RAB3C: variants seen among roughly 807,000 people sequenced by gnomAD.
The protein encoded by RAB3C is ras-related protein Rab-3C.
In RAB3C, 17 loss-of-function variants were observed where a neutral mutation model predicts 26.4. The observed-to-expected ratio is 0.64, with a 90% CI of 0.44 to 0.97. RAB3C has a LOEUF of 0.97. Ranked by LOEUF, RAB3C falls within the 50% of genes least tolerant of loss-of-function variation. The pLI, the probability that RAB3C is intolerant of heterozygous loss-of-function variation, is 0.00. For missense variants in RAB3C, 242 were observed against 281.9 expected (o/e 0.86, Z 1.01); for synonymous variants, 91 against 95.9 (o/e 0.95, Z 0.30).
intron 2 of RAB3C, among the ~76,000 whole-genome samples, chr5:58,655,990 G>A (rs1340495470): frequency 6.6e-6 from 1 of 151,804 alleles, no homozygotes; most frequent in Admixed American, 6.6e-5. Context: ...GTAGAGACGG[G>A]GTTTCACCGT....
intron 3 of RAB3C, among the ~76,000 whole-genome samples, chr5:58,751,405 A>G (rs1367107720): frequency 1.3e-5 from 2 of 152,230 alleles, no homozygotes; most frequent in African/African-American, 4.8e-5. Flanking sequence ...AGTCACAGCC[A>G]GCAGAGCAGC....
intron 3 of RAB3C, among the ~76,000 whole-genome samples, chr5:58,753,016 T>TA (rs113782669): frequency 5.9e-4 from 88 of 148,386 alleles, no homozygotes; most frequent in Non-Finnish European, 7.9e-4. Context: ...AAGGAATTAT[T>TA]AAAAAAAAAA....
intron 3 of RAB3C, among the ~76,000 whole-genome samples, chr5:58,757,964 C>T (rs1020065612): frequency 4.4e-5 from 6 of 136,538 alleles, no homozygotes; most frequent in African/African-American, 1.1e-4. Context: ...GTTTTTGAGA[C>T]GGAGTCTCGC....
chr5:58,825,519 A>G (rs993693871), intron 4 of RAB3C, among the ~76,000 whole-genome samples: 1 of 152,004 alleles, frequency 6.6e-6, no homozygotes, highest in African/African-American at 2.4e-5. Flanking sequence ...TTGTGTGATT[A>G]TTGTTCTCAA....
intron 2 of RAB3C, among the ~76,000 whole-genome samples, chr5:58,627,072 T>A (rs1747068098): frequency 6.6e-6 from 1 of 152,164 alleles, no homozygotes; most frequent in African/African-American, 2.4e-5. Context: ...AATAGAGTCA[T>A]CAACTGCACA....
intron 3 of RAB3C, chr5:58,822,712 G>A (rs1743370416): frequency 2.2e-6 from 1 of 453,600 alleles, no homozygotes; most frequent in Non-Finnish European, 4.2e-6. Flanking sequence ...CCATATAGAA[G>A]GGGATACGGT....
chr5:58,716,730 A>G (rs557157942), intron 2 of RAB3C, among the ~76,000 whole-genome samples: 2 of 151,196 alleles, frequency 1.3e-5, no homozygotes, highest in Admixed American at 6.6e-5. Context: ...TGCTCTGCCC[A>G]GTCACCTGTA....
chr5:58,799,328 C>A (rs922446080), intron 3 of RAB3C, among the ~76,000 whole-genome samples: 1 of 151,864 alleles, frequency 6.6e-6, no homozygotes, highest in African/African-American at 2.4e-5. Flanking sequence ...TGTATGGCAA[C>A]TTCTACTTGT....
At chr5:58,754,535 A>C (rs191165354) in intron 3 of RAB3C, among the ~76,000 whole-genome samples, 1 of 152,254 alleles carries the variant, frequency 6.6e-6, no homozygotes, top group Admixed American at 6.5e-5. Flanking sequence ...AAGAGAGGTA[A>C]CTTTTGCCTT....
chr5:58,799,816 C>T (rs192161231), intron 3 of RAB3C, among the ~76,000 whole-genome samples: 64 of 152,158 alleles, frequency 4.2e-4, no homozygotes, highest in African/African-American at 1.5e-3. Context: ...AACACAAAAC[C>T]TAGGAGATAA....
At chr5:58,703,024 T>C (rs920523237) in intron 2 of RAB3C, among the ~76,000 whole-genome samples, 1 of 152,216 alleles carries the variant, frequency 6.6e-6, no homozygotes, top group African/African-American at 2.4e-5. Context: ...ATATTCAGGA[T>C]ATATAGTAAT....
At chr5:58,626,441 T>C (rs1313360440) in intron 2 of RAB3C, among the ~76,000 whole-genome samples, 2 of 152,200 alleles carry the variant, frequency 1.3e-5, no homozygotes, top group Admixed American at 1.3e-4. Context: ...ACTTTTATAT[T>C]AGGCCTATTC....
At chr5:58,823,755 CTTTT>C (rs745966615) in intron 3 of RAB3C, 2 of 153,828 alleles carry the variant, frequency 1.3e-5, no homozygotes, top group South Asian at 4.0e-4. Flanking sequence ...AAACAATAAA[CTTTT>C]TTTATTTTAT....
In RAB3C at chr5:58,857,310, C is replaced by G. The variant is rs563733310; in HGVS notation, c.*5959C>G. On this transcript the variant is annotated 3_prime_UTR_variant, in exon 5 of 5. Coordinates refer to ENST00000282878, the MANE Select transcript of RAB3C (RefSeq NM_138453.4). The stretch of plus-strand genomic sequence containing the variant: ...TCAAAATACTTTTTTCTTATAAAAC[C>G]AAACATTTAGTATCTGGAAATATGT... 2 of 152,002 alleles carry G rather than the reference C, an allele frequency of 1.3e-5. No homozygotes were observed. The highest frequency in any genetic ancestry group is 2.9e-5 in the Non-Finnish European group (2 of 67,980). The allele number at this position is 152,002 out of a possible 1,614,324, so 9.4% of individuals were successfully genotyped here.
Position 58,841,155 on chromosome 5 carries a change from C to T in RAB3C, c.497-10009C>T, listed in dbSNP as rs572551338. 2.6e-4 allele frequency among the ~76,000 whole-genome samples: 39 copies of T among 152,276 alleles called. No individual in the cohort carries two copies. The South Asian group carries it at 6.4e-3, about 25-fold the overall frequency. On this transcript the variant is annotated intron_variant, in intron 4 of 4. Coordinates refer to ENST00000282878, the MANE Select transcript of RAB3C (RefSeq NM_138453.4). ...AGGGCTATTTCTCAGGTCCTGAGCACGGTCACATAGCGACTTTGCTGGCCA... is the reference window on the plus strand; with the variant it reads ...AGGGCTATTTCTCAGGTCCTGAGCATGGTCACATAGCGACTTTGCTGGCCA...
At chr5:58,599,904 T>C (rs1707330679) in intron 1 of RAB3C, among the ~76,000 whole-genome samples, 1 of 152,172 alleles carries the variant, frequency 6.6e-6, no homozygotes, top group Non-Finnish European at 1.5e-5. Flanking sequence ...TTTTGGGTTC[T>C]TGGTCATGAA....
At chr5:58,694,861 T>G (rs984839286) in intron 2 of RAB3C, among the ~76,000 whole-genome samples, 29 of 152,310 alleles carry the variant, frequency 1.9e-4, no homozygotes, top group South Asian at 6.2e-4. Flanking sequence ...TTGCAAAAAT[T>G]TTCTCCCATT....
At chr5:58,646,984 G>A (rs995398526) in intron 2 of RAB3C, among the ~76,000 whole-genome samples, 1 of 152,106 alleles carries the variant, frequency 6.6e-6, no homozygotes, top group African/African-American at 2.4e-5. Flanking sequence ...ATTAGTTCTA[G>A]GTCCACCTAT....
intron 2 of RAB3C, among the ~76,000 whole-genome samples, chr5:58,697,631 G>A (rs1003618383): frequency 3.3e-5 from 5 of 152,134 alleles, no homozygotes; most frequent in African/African-American, 1.2e-4. Flanking sequence ...TATATATTTA[G>A]GATAGTTAGC....
Sources: gnomAD v4.1 joint callset for allele counts (sites outside exome capture counted in the v4.1 genomes callset) on GRCh38, gnomAD v4.1.1 for gene constraint, MANE v1.5 for transcripts, NCBI Gene and HGNC (gene_info 2026-07-23, HGNC 2026-07-21) for gene names.